The following PRIM2 variants were observed in gnomAD, a reference collection of about 807,000 sequenced individuals.
PRIM2 encodes the protein DNA primase subunit 2.
A neutral mutation model predicts 67.3 loss-of-function variants in PRIM2; 39 were observed. The observed-to-expected ratio is 0.58, with a 90% CI of 0.45 to 0.76. The LOEUF is 0.76. PRIM2 is among the 30% of genes least tolerant of loss of function. PRIM2 has a pLI of 0.00. For missense variants in PRIM2, 398 were observed against 598.7 expected (o/e 0.66, Z 3.50); for synonymous variants, 143 against 198.7 (o/e 0.72, Z 2.36).
the PRIM2 span, among the ~76,000 whole-genome samples, chr6:57,302,773 A>T: frequency 1.3e-5 from 2 of 152,220 alleles, no homozygotes; most frequent in Admixed American, 1.3e-4. Flanking sequence ...ATAAGAGTCC[A>T]TTATTCAAAT....
intron 7 of PRIM2, among the ~76,000 whole-genome samples, chr6:57,430,819 A>G (rs5023871): frequency 6.6e-6 from 1 of 152,168 alleles, no homozygotes; most frequent in Non-Finnish European, 1.5e-5. Flanking sequence ...GCTAAAAGAC[A>G]AAGAAAATAA....
chr6:57,593,087 C>G (rs1241586629), intron 10 of PRIM2, among the ~76,000 whole-genome samples: 2 of 152,038 alleles, frequency 1.3e-5, no homozygotes, highest in African/African-American at 2.4e-5. Context: ...AACATAATGC[C>G]TCTGAAAGTA....
intron 7 of PRIM2, among the ~76,000 whole-genome samples, chr6:57,461,737 T>C (rs1231405521): frequency 6.6e-6 from 1 of 152,240 alleles, no homozygotes; most frequent in African/African-American, 2.4e-5. Context: ...CAAATACTTC[T>C]TCCCAGAATC....
At chr6:57,371,214 T>C (rs1442713255) in intron 5 of PRIM2, among the ~76,000 whole-genome samples, 1 of 151,708 alleles carries the variant, frequency 6.6e-6, no homozygotes, top group African/African-American at 2.4e-5. Flanking sequence ...AGCTAAAGTA[T>C]TCTGTTGTGT....
chr6:57,466,527 G>A (rs1361224566), intron 7 of PRIM2, among the ~76,000 whole-genome samples: 11 of 152,224 alleles, frequency 7.2e-5, no homozygotes, highest in Admixed American at 5.2e-4. Flanking sequence ...ACTGGTGTGA[G>A]ATGGTATCCC....
the PRIM2 span, among the ~76,000 whole-genome samples, chr6:57,271,871 T>TCA: frequency 6.6e-6 from 1 of 152,230 alleles, no homozygotes; most frequent in Non-Finnish European, 1.5e-5. Flanking sequence ...ATTTCTGCCT[T>TCA]CATTTTGTTA....
intron 8 of PRIM2, among the ~76,000 whole-genome samples, chr6:57,530,870 T>G (rs1171570911): frequency 6.6e-6 from 1 of 151,930 alleles, no homozygotes; most frequent in African/African-American, 2.4e-5. Flanking sequence ...GCCTGGCCAA[T>G]TTTTGTATTT....
the PRIM2 span, among the ~76,000 whole-genome samples, chr6:57,225,200 C>CT: frequency 6.6e-6 from 1 of 152,106 alleles, no homozygotes; most frequent in Non-Finnish European, 1.5e-5. Flanking sequence ...TCTGTGAGGC[C>CT]CCCCATGTGC....
chr6:57,288,512 G>A, the PRIM2 span, among the ~76,000 whole-genome samples: 7 of 152,300 alleles, frequency 4.6e-5, no homozygotes, highest in East Asian at 1.9e-4. Flanking sequence ...CCTGACCCCC[G>A]TGTAGCCTGA....
At chr6:57,332,928 G>A (rs569702932) in intron 5 of PRIM2, among the ~76,000 whole-genome samples, 9 of 151,808 alleles carry the variant, frequency 5.9e-5, no homozygotes, top group Admixed American at 2.0e-4. Flanking sequence ...ATGTCTTAAG[G>A]TTTTTTTGTT....
At chr6:57,323,772 T>G (rs902383891) in intron 3 of PRIM2, among the ~76,000 whole-genome samples, 2 of 150,720 alleles carry the variant, frequency 1.3e-5, no homozygotes, top group Non-Finnish European at 3.0e-5. Flanking sequence ...TCCCAGAACT[T>G]AAAGTAAAAA....
chr6:57,256,024 TACACACAC>T, the PRIM2 span, among the ~76,000 whole-genome samples: 9 of 111,224 alleles, frequency 8.1e-5, no homozygotes, highest in African/African-American at 4.5e-4. Flanking sequence ...CACACACACA[TACACACAC>T]ACACACACAC....
the PRIM2 span, among the ~76,000 whole-genome samples, chr6:57,240,867 TCA>T: frequency 1.4e-4 from 21 of 152,028 alleles, no homozygotes; most frequent in East Asian, 3.5e-3. Context: ...GGCAGGAGGA[TCA>T]CTTCAACCCA....
At chr6:57,265,297 G>A in the PRIM2 span, among the ~76,000 whole-genome samples, 7 of 152,082 alleles carry the variant, frequency 4.6e-5, no homozygotes, top group Non-Finnish European at 8.8e-5. Context: ...TCTTTCATTC[G>A]ACTCTTACCT....
chr6:57,562,774 A>G (rs1430437886), intron 10 of PRIM2, among the ~76,000 whole-genome samples: 6 of 152,188 alleles, frequency 3.9e-5, no homozygotes, highest in Admixed American at 2.0e-4. Flanking sequence ...TGATGTATAT[A>G]GTCTTTTACT....
At chr6:57,282,008 C>T in the PRIM2 span, among the ~76,000 whole-genome samples, 4 of 152,100 alleles carry the variant, frequency 2.6e-5, no homozygotes, top group East Asian at 3.9e-4. Context: ...AGGAAAATAC[C>T]ATGTGCTGGC....
At chr6:57,473,318 T>C (rs1773382479) in intron 7 of PRIM2, among the ~76,000 whole-genome samples, 1 of 152,172 alleles carries the variant, frequency 6.6e-6, no homozygotes, top group Non-Finnish European at 1.5e-5. Flanking sequence ...AATCAAAAAG[T>C]ATTTATGCAC....
upstream of PRIM2, among the ~76,000 whole-genome samples, chr6:57,311,684 G>A (rs1322019004): frequency 6.6e-6 from 1 of 152,038 alleles, no homozygotes; most frequent in Admixed American, 6.6e-5. Flanking sequence ...AGGCCGCTGG[G>A]AGGTGGAAGT....
chr6:57,622,449 T>TG (rs1737019706), intron 12 of PRIM2, among the ~76,000 whole-genome samples: 1 of 152,206 alleles, frequency 6.6e-6, no homozygotes, highest in Non-Finnish European at 1.5e-5. Context: ...GCTGTAAAAT[T>TG]GTGTTAGACC....
Sources: gnomAD v4.1 joint callset for allele counts (sites outside exome capture counted in the v4.1 genomes callset) on GRCh38, gnomAD v4.1.1 for gene constraint, MANE v1.5 for transcripts, NCBI Gene and HGNC (gene_info 2026-07-23, HGNC 2026-07-21) for gene names.